CNOT6: variants seen among roughly 807,000 people sequenced by gnomAD.
CNOT6 encodes carbon catabolite repression 4 protein.
Under a neutral mutation model 61.2 loss-of-function variants are expected in CNOT6, and 12 were observed. That is an observed-to-expected ratio of 0.20 (90% CI 0.13 to 0.32). The LOEUF (loss-of-function observed/expected upper bound fraction) is 0.32. Ranked by LOEUF, CNOT6 falls within the 10% of genes least tolerant of loss-of-function variation. The pLI is 1.00. For synonymous variants in CNOT6, 225 were observed against 240.6 expected, an observed-to-expected ratio of 0.94 and a Z score of 0.60; for missense variants, 405 against 663.9, an observed-to-expected ratio of 0.61 and a Z score of 4.28.
chr5:180,503,987 A>G (rs987674161), intron 1 of CNOT6, among the ~76,000 whole-genome samples: 6 of 152,148 alleles, frequency 3.9e-5, no homozygotes, highest in East Asian at 1.9e-4. Context: ...GGAAAACCCA[A>G]TTGTTGGCCC....
At chr5:180,522,357 G>A (rs1467649321) in intron 1 of CNOT6, among the ~76,000 whole-genome samples, 1 of 151,874 alleles carries the variant, frequency 6.6e-6, no homozygotes, top group African/African-American at 2.4e-5. Context: ...CAGGTGATCC[G>A]CCCTCGTAGG....
At chr5:180,503,601 CTTTTTTTTTTT>C (rs56187510) in intron 1 of CNOT6, among the ~76,000 whole-genome samples, 1 of 66,136 alleles carries the variant, frequency 1.5e-5, no homozygotes, top group African/African-American at 6.3e-5. Flanking sequence ...GCCCTACTTC[CTTTTTTTTTTT>C]TTTTTTTTTT....
chr5:180,531,036 A>G (rs1252080748), intron 2 of CNOT6, among the ~76,000 whole-genome samples: 2 of 152,232 alleles, frequency 1.3e-5, no homozygotes, highest in Non-Finnish European at 2.9e-5. Flanking sequence ...TCTATTCGAC[A>G]AAACCGCCGT....
intron 4 of CNOT6, among the ~76,000 whole-genome samples, chr5:180,556,860 G>A (rs979653896): frequency 6.6e-6 from 1 of 152,148 alleles, no homozygotes; most frequent in Non-Finnish European, 1.5e-5. Flanking sequence ...GGAGACTGAG[G>A]TGGGAGAATA....
chr5:180,552,601 G>T (rs558684128), intron 3 of CNOT6, among the ~76,000 whole-genome samples: 1 of 150,112 alleles, frequency 6.7e-6, no homozygotes, highest in East Asian at 2.0e-4. Context: ...AGCCGAGATC[G>T]CATCACTGCA....
chr5:180,558,510 T>TAAAAA (rs71591502), intron 4 of CNOT6, among the ~76,000 whole-genome samples: 6 of 140,232 alleles, frequency 4.3e-5, no homozygotes, highest in East Asian at 2.0e-4. Context: ...AGAAACACCT[T>TAAAAA]AAAAAAAAAA....
At chr5:180,552,424 A>C (rs536316703) in intron 3 of CNOT6, among the ~76,000 whole-genome samples, 1 of 151,748 alleles carries the variant, frequency 6.6e-6, no homozygotes, top group African/African-American at 2.4e-5. Flanking sequence ...GGCGGATCAC[A>C]AAGTCTGGAG....
chr5:180,504,008 C>T (rs1757014949), intron 1 of CNOT6, among the ~76,000 whole-genome samples: 1 of 152,102 alleles, frequency 6.6e-6, no homozygotes, highest in Non-Finnish European at 1.5e-5. Flanking sequence ...AAATTTATAA[C>T]CGTTTACACT....
intron 1 of CNOT6, among the ~76,000 whole-genome samples, chr5:180,510,541 A>G (rs1157575609): frequency 6.6e-6 from 1 of 152,164 alleles, no homozygotes; most frequent in African/African-American, 2.4e-5. Flanking sequence ...CAAATCATAC[A>G]CTTGGCAAAA....
At chr5:180,501,958 A>G (rs1361311717) in intron 1 of CNOT6, among the ~76,000 whole-genome samples, 1 of 152,198 alleles carries the variant, frequency 6.6e-6, no homozygotes, top group Non-Finnish European at 1.5e-5. Context: ...ACCAGGGCAT[A>G]TATAAGTCAG....
intron 1 of CNOT6, among the ~76,000 whole-genome samples, chr5:180,528,060 A>G (rs559603270): frequency 1.3e-5 from 2 of 150,652 alleles, no homozygotes; most frequent in East Asian, 1.9e-4. Context: ...CGTGGTGCCA[A>G]AAAGGTTGGG....
chr5:180,506,655 C>A (rs1486964449), intron 1 of CNOT6, among the ~76,000 whole-genome samples: 1 of 152,172 alleles, frequency 6.6e-6, no homozygotes, highest in Admixed American at 6.6e-5. Context: ...TTGCTTCTTA[C>A]CTCAGGCTAT....
At position 180,574,526 on chromosome 5, in the gene CNOT6, A is replaced by G. The variant is rs1349545593; in HGVS notation, c.*326A>G. 8.8e-6 allele frequency: 3 copies of G among 339,006 alleles called. No homozygotes were observed. The highest frequency in any genetic ancestry group is 1.1e-5 in the Non-Finnish European group (2 of 180,222). 21.0% of individuals were successfully genotyped at this position (339,006 alleles called of 1,614,324 possible). On this transcript the variant is annotated 3_prime_UTR_variant, in exon 12 of 12. Coordinates refer to ENST00000261951, the MANE Select transcript of CNOT6 (RefSeq NM_001370472.1). ...AATGTGTGAACAGCGTATTCTCTTC[A>G]CACAGAAATCTGTAGCACTGCTTTT...
intron 4 of CNOT6, among the ~76,000 whole-genome samples, chr5:180,564,060 C>G (rs1278955718): frequency 6.6e-6 from 1 of 152,144 alleles, no homozygotes; most frequent in Non-Finnish European, 1.5e-5. Context: ...TTGTTGTTAG[C>G]TTTGTGACAT....
chr5:180,547,671 G>A (rs67607816), intron 2 of CNOT6, among the ~76,000 whole-genome samples: 70,867 of 152,004 alleles, frequency 0.47, 17,555 homozygotes, highest in Non-Finnish European at 0.56. Context: ...AAGCCATTTG[G>A]TTAAGATGTA....
rs1759969933 is a variant in CNOT6, at chr5:180,557,721, T to C, written c.385+4250T>C. 3.9e-5 allele frequency among the ~76,000 whole-genome samples: 6 copies of C among 152,158 alleles called. No individual in the cohort carries two copies. In the South Asian group the frequency reaches 1.2e-3, roughly 32 times the overall value. ...ATTTTAATGAAGCCCAGTTTATCAG[T>C]TTTTTCTTCTGTGGATCCTGATTCT... is the stretch of plus-strand genomic sequence containing the variant. On this transcript the variant is annotated intron_variant, in intron 4 of 11. Transcript: ENST00000261951.
At chr5:180,568,982 G>A (rs1760611044) in intron 9 of CNOT6, 128 bp from the exon 10 acceptor site, 11 of 667,882 alleles carry the variant, frequency 1.6e-5, no homozygotes, top group Admixed American at 1.5e-4. Flanking sequence ...TCAGTCATCC[G>A]GTGGGAATTT....
intron 1 of CNOT6, among the ~76,000 whole-genome samples, chr5:180,523,621 T>A (rs1337949471): frequency 6.6e-6 from 1 of 152,164 alleles, no homozygotes; most frequent in Non-Finnish European, 1.5e-5. Flanking sequence ...TCTTTGTGGG[T>A]ATCTTCATTC....
At chr5:180,511,216 G>A (rs943688778) in intron 1 of CNOT6, among the ~76,000 whole-genome samples, 1 of 151,390 alleles carries the variant, frequency 6.6e-6, no homozygotes, top group Non-Finnish European at 1.5e-5. Context: ...AGTGGCTCGC[G>A]CCTGTAATCC....
Sources: gnomAD v4.1 joint callset for allele counts (sites outside exome capture counted in the v4.1 genomes callset) on GRCh38, gnomAD v4.1.1 for gene constraint, MANE v1.5 for transcripts, NCBI Gene and HGNC (gene_info 2026-07-23, HGNC 2026-07-21) for gene names.